UGT2B4: variants seen among roughly 807,000 people sequenced by gnomAD.
UGT2B4 encodes the protein UDP-glucuronosyltransferase 2B4.
A neutral mutation model predicts 49.8 loss-of-function variants in UGT2B4; 49 were observed. The observed-to-expected ratio is 0.98, with a 90% CI of 0.78 to 1.25. The LOEUF (loss-of-function observed/expected upper bound fraction) is 1.25. Among genes scored for constraint, UGT2B4 ranks in the 50% most tolerant of loss-of-function variants. The probability of loss-of-function intolerance (pLI) is 0.00; values close to 1 mark genes in which losing one functional copy is unlikely to be tolerated. For synonymous variants in UGT2B4, 246 were observed against 217.7 expected, an observed-to-expected ratio of 1.13 and a Z score of -1.14; for missense variants, 729 against 627.7, an observed-to-expected ratio of 1.16 and a Z score of -1.73.
chr4:69,500,635 A>AAGAC (rs1270294416), upstream of UGT2B4, among the ~76,000 whole-genome samples: 1 of 139,714 alleles, frequency 7.2e-6, no homozygotes, highest in African/African-American at 2.5e-5. Flanking sequence ...GAAAGAAAGA[A>AAGAC]AGAAAGAAAG....
chr4:69,507,158 C>T (rs1728495099), intron 1 of UGT2B4, among the ~76,000 whole-genome samples: 1 of 152,284 alleles, frequency 6.6e-6, no homozygotes, highest in South Asian at 2.1e-4. Context: ...CCCTTGAAAA[C>T]CTCCACAAGA....
intron 1 of UGT2B4, chr4:69,517,907 C>T (rs9991882): frequency 0.2 from 33,134 of 165,918 alleles, 3,536 homozygotes; most frequent in African/African-American, 0.25. Flanking sequence ...AAAGGAACTG[C>T]AAGCAACTCA....
At chr4:69,490,171 T>G (rs1378667710) in intron 2 of UGT2B4, among the ~76,000 whole-genome samples, 2 of 152,170 alleles carry the variant, frequency 1.3e-5, no homozygotes, top group Non-Finnish European at 2.9e-5. Context: ...AGGTGGTGGT[T>G]AAGAATCACT....
At chr4:69,503,866 C>A (rs984975984) in intron 1 of UGT2B4, among the ~76,000 whole-genome samples, 2 of 152,096 alleles carry the variant, frequency 1.3e-5, no homozygotes, top group African/African-American at 4.8e-5. Context: ...CCTGGGCCAC[C>A]GCAGCTCAGA....
rs1728355408 is a variant in UGT2B4, at chr4:69,502,153, T to TTCTTTCTTTCTTTCTTTCTTTC, written c.-105-6188_-105-6187insGAAAGAAAGAAAGAAAGAAAGA. Among the ~76,000 whole-genome samples the TTCTTTCTTTCTTTCTTTCTTTC allele has an allele frequency of 2.5e-5, 3 of 120,848 alleles. No individual in the cohort carries two copies. In the South Asian group the frequency reaches 8.6e-4, roughly 35 times the overall value. 79.3% of individuals were successfully genotyped at this position (120,848 alleles called of 152,430 possible). On this transcript the variant is annotated intron_variant, in intron 1 of 1. Coordinates refer to the UGT2B4 transcript ENST00000510114. ...TCTTTCTTTCTTTCTTTCTTTCTCT[T>TTCTTTCTTTCTTTCTTTCTTTC]TCTTTCTTTCTTCTTTCTTTTCTTC... is the stretch of plus-strand genomic sequence containing the variant.
intron 2 of UGT2B4, among the ~76,000 whole-genome samples, chr4:69,492,932 T>C (rs1728033673): frequency 6.6e-6 from 1 of 152,096 alleles, no homozygotes; most frequent in Non-Finnish European, 1.5e-5. Context: ...TCTTGGAATC[T>C]TTTTTTAAAA....
In UGT2B4 at chr4:69,495,305, C is replaced by G; in HGVS notation, c.557G>C (p.Gly186Ala). The G allele has an allele frequency of 6.2e-7, 1 of 1,613,116 alleles. No individual in the cohort carries two copies. Among genetic ancestry groups the G allele is most frequent in the East Asian group, 2.2e-5 (1 of 44,834 alleles). ...CACATAGGAAGGAGGGAACAGAAGT[C>G]CTCCACTATGCTTTTCAATTGCGTA... ...PGYAIEKHSG[G>A]LLFPPSYVPV... The change falls in exon 1 of 6, where the codon GGA (glycine) becomes GCA (alanine). Residue 186 changes from glycine (G) to alanine (A), a missense_variant. Coordinates refer to ENST00000305107, the MANE Select transcript of UGT2B4 (RefSeq NM_021139.3).
At chr4:69,520,311 C>T (rs1451488563) in intron 1 of UGT2B4, among the ~76,000 whole-genome samples, 3 of 152,176 alleles carry the variant, frequency 2.0e-5, no homozygotes, top group African/African-American at 7.2e-5. Flanking sequence ...GCTCTCAGCC[C>T]GTACGACACA....
At chr4:69,488,153 T>C (rs1028286306) in intron 3 of UGT2B4, among the ~76,000 whole-genome samples, 3 of 152,154 alleles carry the variant, frequency 2.0e-5, no homozygotes, top group African/African-American at 7.2e-5. Context: ...AAATTCAGAG[T>C]ATTCTCAGTA....
At chr4:69,500,760 T>C (rs1400398813), upstream of UGT2B4, among the ~76,000 whole-genome samples, 1 of 151,578 alleles carries the variant, frequency 6.6e-6, no homozygotes, top group Non-Finnish European at 1.5e-5. Flanking sequence ...AAGTGATGAG[T>C]GAATGTGCAA....
chr4:69,516,771 C>T (rs528428902), intron 1 of UGT2B4, among the ~76,000 whole-genome samples: 1 of 151,888 alleles, frequency 6.6e-6, no homozygotes, highest in Non-Finnish European at 1.5e-5. Context: ...CCACGCCTGG[C>T]TAATTTTTGT....
At chr4:69,520,060 A>T (rs933638715) in intron 1 of UGT2B4, among the ~76,000 whole-genome samples, 4 of 152,216 alleles carry the variant, frequency 2.6e-5, no homozygotes, top group Non-Finnish European at 5.9e-5. Flanking sequence ...ATTTTTTAAA[A>T]ACTCTACTTA....
intron 5 of UGT2B4, among the ~76,000 whole-genome samples, chr4:69,483,935 T>C (rs1577879491): frequency 6.6e-6 from 1 of 152,154 alleles, no homozygotes; most frequent in Non-Finnish European, 1.5e-5. Context: ...AATACATAAA[T>C]AGTTCTTATA....
At chr4:69,515,599 C>A (rs2109830775) in intron 1 of UGT2B4, among the ~76,000 whole-genome samples, 1 of 152,132 alleles carries the variant, frequency 6.6e-6, no homozygotes, top group Non-Finnish European at 1.5e-5. Flanking sequence ...ACTAAAAGAA[C>A]TAGAGAACCA....
chr4:69,519,660 A>G (rs1728803406), intron 1 of UGT2B4, among the ~76,000 whole-genome samples: 3 of 147,968 alleles, frequency 2.0e-5, no homozygotes, highest in Non-Finnish European at 3.0e-5. Context: ...CAATTTTCTC[A>G]CTAGGGTCTT....
In UGT2B4 at chr4:69,486,615, G is replaced by T; in HGVS notation, c.1084C>A (p.Leu362Ile). 1.3e-6 allele frequency: 2 copies of T among 1,592,314 alleles called. No homozygotes were observed. Among genetic ancestry groups the T allele is most frequent in the South Asian group, 1.1e-5 (1 of 87,456 alleles). ...RLYKWIPQND[L>I]LGHPKTRAFI... ...TTGTTCTTCAGAGACTTACCAAGAA[G>T]ATCATTCTGGGGTATCCACTTGTAC... Residue 362 changes from leucine to isoleucine, a missense_variant, in exon 4 of 6, where the codon CTT becomes ATT. Coordinates refer to ENST00000305107, the MANE Select transcript of UGT2B4 (RefSeq NM_021139.3).
chr4:69,489,437 A>T lies in UGT2B4; in HGVS notation c.1002+2T>A. ...TTACACCATTAAAACATTTTATCTTACCTTTTGTGGGATCTTGGCAAGGGC... is the reference window on the plus strand; with the variant it reads ...TTACACCATTAAAACATTTTATCTTTCCTTTTGTGGGATCTTGGCAAGGGC... On this transcript the variant is annotated splice_donor_variant, in intron 3 of 5. Transcript: ENST00000305107. LOFTEE classifies it high-confidence loss of function. The T allele has an allele frequency of 6.2e-7, 1 of 1,609,948 alleles. No homozygotes were observed. The highest frequency in any genetic ancestry group is 8.5e-7 in the Non-Finnish European group (1 of 1,177,410).
intron 2 of UGT2B4, among the ~76,000 whole-genome samples, chr4:69,492,099 A>T (rs1728004798): frequency 6.6e-6 from 1 of 152,054 alleles, no homozygotes; most frequent in Non-Finnish European, 1.5e-5. Flanking sequence ...TTATTATTGT[A>T]AACTGAGGGC....
chr4:69,524,400 G>C (rs1728922011), intron 1 of UGT2B4, among the ~76,000 whole-genome samples: 1 of 152,004 alleles, frequency 6.6e-6, no homozygotes. Context: ...GAATAGGCCA[G>C]AGGAGAGGGA....
Sources: allele counts gnomAD v4.1 joint callset (sites outside exome capture counted in the v4.1 genomes callset), GRCh38; gene constraint gnomAD v4.1.1; transcripts MANE v1.5; gene names NCBI Gene and HGNC (gene_info 2026-07-23, HGNC 2026-07-21).